The following ZNF415 variants were observed in gnomAD, a reference collection of about 807,000 sequenced individuals.
The protein encoded by ZNF415 is zinc finger protein 415.
Under a neutral mutation model 7.3 loss-of-function variants are expected in ZNF415, and 5 were observed. That is an observed-to-expected ratio of 0.69 (90% CI 0.36 to 1.44). The LOEUF is 1.44. ZNF415 is among the 40% of genes most tolerant of loss of function. ZNF415 has a pLI of 0.04. For synonymous variants in ZNF415, 207 were observed against 226.3 expected, an observed-to-expected ratio of 0.91 and a Z score of 0.77; for missense variants, 628 against 664.8, an observed-to-expected ratio of 0.94 and a Z score of 0.61.
chr19:53,131,868 C>T (rs974715375), intron 1 of ZNF415, among the ~76,000 whole-genome samples: 1 of 152,044 alleles, frequency 6.6e-6, no homozygotes, highest in Non-Finnish European at 1.5e-5. Context: ...ACCCCCAGAT[C>T]CCAGGCCTCC....
At position 53,123,191 on chromosome 19, in the gene ZNF415, G is replaced by C. The variant is rs373381206; in HGVS notation, c.-67-448C>G. 4.6e-4 allele frequency among the ~76,000 whole-genome samples: 70 copies of C among 152,228 alleles called. 1 individual carries two copies. Among genetic ancestry groups the C allele is most frequent in the African/African-American group, 1.4e-3 (60 of 41,528 alleles). On this transcript the variant is annotated intron_variant, in intron 1 of 3. Coordinates refer to ENST00000243643, the MANE Select transcript of ZNF415 (RefSeq NM_018355.4). ...AATGGGAATCTCTGGGACAGGGATG[G>C]GGGCACAAGAGGTATATCTGCAAAG...
At chr19:53,128,062 C>T (rs150909817) in intron 1 of ZNF415, among the ~76,000 whole-genome samples, 5 of 152,150 alleles carry the variant, frequency 3.3e-5, no homozygotes, top group South Asian at 2.1e-4. Context: ...ATCATTCACC[C>T]GGCTCATCTA....
chr19:53,120,245 C>T (rs2087774645), intron 2 of ZNF415, among the ~76,000 whole-genome samples: 1 of 152,136 alleles, frequency 6.6e-6, no homozygotes, highest in Admixed American at 6.5e-5. Flanking sequence ...TTCTATGACA[C>T]ACGTAACAAA....
At chr19:53,111,702 T>C (rs2086270032) in intron 3 of ZNF415, among the ~76,000 whole-genome samples, 1 of 152,078 alleles carries the variant, frequency 6.6e-6, no homozygotes, top group African/African-American at 2.4e-5. Flanking sequence ...GACAATCTCA[T>C]CACAATCATC....
At position 53,109,157 on chromosome 19, in the gene ZNF415, T is replaced by C. The variant is rs1355752875; in HGVS notation, c.888A>G (p.Gly296=). The change falls in exon 4 of 4, where the codon GGA becomes GGG. Residue 296 remains glycine, a synonymous_variant. Coordinates refer to ENST00000243643, the MANE Select transcript of ZNF415 (RefSeq NM_018355.4). ...ACTCATAACATTTGTAAGGTTTCTC[T>C]CCAGTGTGAACTCTCCGATGTAGTG... is the stretch of plus-strand genomic sequence containing the variant. ...CLALHRRVHT[G]EKPYKCYECD... is the part of the protein sequence containing the mutation. 3 of 1,614,104 alleles carry C rather than the reference T, an allele frequency of 1.9e-6. No individual in the cohort carries two copies. In the East Asian group the frequency reaches 6.7e-5, roughly 36 times the overall value.
chr19:53,109,984 T>A, intron 3 of ZNF415, 76 bp from the exon 4 acceptor site: 2 of 1,236,918 alleles, frequency 1.6e-6, no homozygotes, highest in Non-Finnish European at 1.1e-6. Flanking sequence ...ATAACAGAAT[T>A]ACACAAAAAG....
At chr19:53,125,666 C>T (rs1177747949) in intron 1 of ZNF415, among the ~76,000 whole-genome samples, 1 of 151,774 alleles carries the variant, frequency 6.6e-6, no homozygotes, top group African/African-American at 2.4e-5. Context: ...AAACTGGAGC[C>T]AGGCGCGGTG....
intron 3 of ZNF415, among the ~76,000 whole-genome samples, chr19:53,112,488 G>A (rs2086377856): frequency 1.3e-5 from 2 of 151,662 alleles, no homozygotes; most frequent in Non-Finnish European, 1.5e-5. Context: ...ATGGATAATG[G>A]TATCTGAGTC....
chr19:53,125,789 T>G (rs2088971234), intron 1 of ZNF415, among the ~76,000 whole-genome samples: 3 of 151,926 alleles, frequency 2.0e-5, no homozygotes. Flanking sequence ...AATACAAAAA[T>G]TAGCCGGACA....
At chr19:53,127,444 C>G (rs987616265) in intron 1 of ZNF415, among the ~76,000 whole-genome samples, 2 of 152,212 alleles carry the variant, frequency 1.3e-5, no homozygotes, top group African/African-American at 2.4e-5. Context: ...CTCATAGTGA[C>G]TCCACCCCAC....
Position 53,109,630 on chromosome 19 carries a change from G to C in ZNF415, c.415C>G (p.Leu139Val). Reference sequence around the variant, plus strand: ...GGATGTGGTAGAAAGCTTAATCCAAGCTGATGTTTAATAGACTTGTTTCCT... The same window carrying C: ...GGATGTGGTAGAAAGCTTAATCCAACCTGATGTTTAATAGACTTGTTTCCT... Reference protein sequence around the residue: ...GIGNKSIKHQLGLSFLPHPHE... With the variant: ...GIGNKSIKHQVGLSFLPHPHE... The change falls in exon 4 of 4, where the codon CTT (leucine) becomes GTT (valine). Residue 139 changes from leucine to valine, a missense_variant. Leu to Val is a conservative substitution (Grantham distance 32). Transcript: ENST00000243643. The C allele has an allele frequency of 6.2e-7, 1 of 1,614,136 alleles. No homozygotes were observed. Among genetic ancestry groups the C allele is most frequent in the Non-Finnish European group, 8.5e-7 (1 of 1,180,022 alleles).
At chr19:53,114,972 G>A (rs2086779219) in intron 3 of ZNF415, among the ~76,000 whole-genome samples, 1 of 152,138 alleles carries the variant, frequency 6.6e-6, no homozygotes, top group South Asian at 2.1e-4. Context: ...ATAGCTCCAG[G>A]CATCAGGACT....
At chr19:53,119,063 G>A (rs2087514580) in intron 2 of ZNF415, among the ~76,000 whole-genome samples, 2 of 151,958 alleles carry the variant, frequency 1.3e-5, no homozygotes, top group Admixed American at 6.6e-5. Flanking sequence ...GGCGGATCAC[G>A]AGGTCAGGAG....
At chr19:53,116,115 G>C in intron 3 of ZNF415, 198 bp downstream of exon 3, 1 of 659,362 alleles carries the variant, frequency 1.5e-6, no homozygotes, top group Non-Finnish European at 2.6e-6. Context: ...AACCACCACT[G>C]TTGTATCATG....
At position 53,109,102 on chromosome 19, in the gene ZNF415, G is replaced by A; in HGVS notation, c.943C>T (p.Leu315Phe). The A allele has an allele frequency of 1.2e-6, 2 of 1,613,886 alleles. No individual in the cohort carries two copies. Among genetic ancestry groups the A allele is most frequent in the African/African-American group, 1.3e-5 (1 of 74,998 alleles). ...ATATGAGTTTTCTGATGTAGTGCAA[G>A]GCATGAATTTCGACTGAAGACCTTG... is the stretch of plus-strand genomic sequence containing the variant. ...CDKVFSRNSC[L>F]ALHQKTHIGE... The change falls in exon 4 of 4, where the codon CTT becomes TTT. Residue 315 changes from leucine (L) to phenylalanine (F), a missense_variant. Coordinates refer to ENST00000243643, the MANE Select transcript of ZNF415 (RefSeq NM_018355.4).
chr19:53,119,114 C>T (rs1394496509), intron 2 of ZNF415, among the ~76,000 whole-genome samples: 1 of 151,722 alleles, frequency 6.6e-6, no homozygotes, highest in East Asian at 1.9e-4. Context: ...CCCGCTTCTA[C>T]TAAAAAAATA....
intron 3 of ZNF415, among the ~76,000 whole-genome samples, chr19:53,114,209 C>T (rs1045962178): frequency 3.9e-5 from 6 of 152,022 alleles, no homozygotes; most frequent in African/African-American, 1.4e-4. Flanking sequence ...CGGAGTCTCA[C>T]TCTGTTACTC....
At chr19:53,119,153 G>A (rs2087550688) in intron 2 of ZNF415, among the ~76,000 whole-genome samples, 1 of 151,912 alleles carries the variant, frequency 6.6e-6, no homozygotes, top group Non-Finnish European at 1.5e-5. Flanking sequence ...GTGGTGGTGG[G>A]CGCCTGTAGT....
intron 2 of ZNF415, among the ~76,000 whole-genome samples, chr19:53,122,082 A>G (rs940142967): frequency 2.0e-5 from 3 of 151,930 alleles, no homozygotes; most frequent in Non-Finnish European, 4.4e-5. Flanking sequence ...CCCCGTCTCT[A>G]TTAAAAATAC....
Sources: allele counts gnomAD v4.1 joint callset (sites outside exome capture counted in the v4.1 genomes callset), GRCh38; gene constraint gnomAD v4.1.1; transcripts MANE v1.5; gene names NCBI Gene and HGNC (gene_info 2026-07-23, HGNC 2026-07-21).